The following NF1 variants were observed in gnomAD, a reference collection of about 807,000 sequenced individuals.
NF1 encodes neurofibromin 1, also known as neurofibromin.
Under a neutral mutation model 325.7 loss-of-function variants are expected in NF1, and 122 were observed. The observed-to-expected ratio is 0.37, with a 90% confidence interval of 0.32 to 0.44. The LOEUF (loss-of-function observed/expected upper bound fraction) is 0.44. Ranked by LOEUF, NF1 falls within the 20% of genes least tolerant of loss-of-function variation. NF1 has a pLI of 1.00. For synonymous variants in NF1, 1,091 were observed against 1,186.0 expected (o/e 0.92, Z 1.65); for missense variants, 2,140 against 3,415.4 (o/e 0.63, Z 9.31).
chr17:31,098,902 A>C (rs2143187520), intron 1 of NF1, among the ~76,000 whole-genome samples: 1 of 146,392 alleles, frequency 6.8e-6, no homozygotes, highest in East Asian at 2.1e-4. Flanking sequence ...ACTGCACTCC[A>C]GCCTGGGTGA....
intron 36 of NF1, among the ~76,000 whole-genome samples, chr17:31,312,572 C>T (rs10512434): frequency 0.5 from 75,821 of 150,228 alleles, 20,816 homozygotes; most frequent in Non-Finnish European, 0.62. Flanking sequence ...CCATAAGGAT[C>T]GATGGGAAAT....
chr17:31,365,297 A>AAAAAAAAAG (rs397975647), intron 57 of NF1, among the ~76,000 whole-genome samples: 6 of 148,644 alleles, frequency 4.0e-5, no homozygotes, highest in African/African-American at 1.5e-4. Flanking sequence ...AAAAAAAAAA[A>AAAAAAAAAG]GAAGGAAAGA....
chr17:31,281,115 A>G (rs904977984), intron 36 of NF1, among the ~76,000 whole-genome samples: 1 of 152,212 alleles, frequency 6.6e-6, no homozygotes, highest in African/African-American at 2.4e-5. Context: ...AATCTGTTAT[A>G]CAGCTCACCT....
In NF1 at chr17:31,214,680, A is replaced by G. The variant is rs923751973; in HGVS notation, c.1527+95A>G. On this transcript the variant is annotated intron_variant, in intron 13 of 57. Coordinates refer to ENST00000358273, the MANE Select transcript of NF1 (RefSeq NM_001042492.3). ...GACCTTGAGGATAATTTTTAGCTCAAGAGCACTTACTGATCCTTTCTGATC... is the reference window on the plus strand; with the variant it reads ...GACCTTGAGGATAATTTTTAGCTCAGGAGCACTTACTGATCCTTTCTGATC... 8.1e-6 allele frequency: 10 copies of G among 1,233,812 alleles called. No individual in the cohort carries two copies. In the African/African-American group the frequency reaches 1.3e-4, roughly 17 times the overall value. The allele number at this position is 1,233,812 out of a possible 1,614,324, so 76.4% of individuals were successfully genotyped here. A position where few individuals can be genotyped will look rare whatever the true frequency, so the allele number is the denominator to read the frequency against.
chr17:31,370,405 G>A (rs550506021), intron 57 of NF1, among the ~76,000 whole-genome samples: 1 of 152,136 alleles, frequency 6.6e-6, no homozygotes, highest in South Asian at 2.1e-4. Flanking sequence ...TAACATTTTG[G>A]TGCATTTCCT....
chr17:31,336,965 C>T lies in NF1; in HGVS notation c.6427+51C>T, dbSNP rs755701594. 6 of 1,562,392 alleles carry T rather than the reference C, an allele frequency of 3.8e-6. No individual in the cohort carries two copies. Among genetic ancestry groups the T allele is most frequent in the Non-Finnish European group, 5.2e-6 (6 of 1,145,190 alleles). ...TTTACCAGTTCCTTTCTCCATTTTA[C>T]TTCACCTGATCAATATAGATTATCT... is the stretch of plus-strand genomic sequence containing the variant. On this transcript the variant is annotated intron_variant, in intron 42 of 57. Coordinates refer to ENST00000358273, the MANE Select transcript of NF1 (RefSeq NM_001042492.3). This position sits in a 1 kb window ranked among gnomAD's most constrained non-coding sequence, Gnocchi z 5.5.
intron 57 of NF1, 32 bp downstream of exon 57, chr17:31,360,735 G>A (rs2151588417): frequency 1.9e-6 from 3 of 1,559,956 alleles, no homozygotes; most frequent in Non-Finnish European, 2.7e-6. Context: ...ATGACTTTGA[G>A]CAACAATATA....
intron 4 of NF1, among the ~76,000 whole-genome samples, chr17:31,168,979 G>C (rs1178386323): frequency 6.6e-6 from 1 of 152,140 alleles, no homozygotes; most frequent in Non-Finnish European, 1.5e-5. Context: ...AGGGAATGCA[G>C]GATACAGACT....
intron 39 of NF1, among the ~76,000 whole-genome samples, chr17:31,333,354 G>A (rs951612794): frequency 7.2e-5 from 11 of 151,998 alleles, no homozygotes; most frequent in African/African-American, 2.2e-4. Flanking sequence ...TTAAATTGAG[G>A]TATATCTTGT....
chr17:31,256,800 G>A lies in NF1; in HGVS notation c.4174-1544G>A, dbSNP rs9906434. Among the ~76,000 whole-genome samples the A allele has an allele frequency of 7.2e-3, 1,094 of 152,194 alleles. 15 individuals carry two copies. Among genetic ancestry groups the A allele is most frequent in the African/African-American group, 0.025 (1,052 of 41,528 alleles). Reference sequence around the variant, plus strand: ...CCTTCACCAGTTTCCCCTTATTTAAGGGTTAAGGTTGTTCTTCATGCAATA... The same window carrying A: ...CCTTCACCAGTTTCCCCTTATTTAAAGGTTAAGGTTGTTCTTCATGCAATA... On this transcript the variant is annotated intron_variant, in intron 31 of 57. Coordinates refer to ENST00000358273, the MANE Select transcript of NF1 (RefSeq NM_001042492.3).
At position 31,223,563 on chromosome 17, in the gene NF1, A is replaced by G; in HGVS notation, c.1841A>G (p.Asn614Ser). The G allele has an allele frequency of 6.2e-7, 1 of 1,611,488 alleles. No homozygotes were observed. Reference protein sequence around the residue: ...LICRNKFLLKNKQADRSSCHF... With the variant: ...LICRNKFLLKSKQADRSSCHF... The stretch of plus-strand genomic sequence containing the variant: ...TGCAGGAATAAATTTCTTCTTAAAA[A>G]TAAGGTAAGCAAAATGACATATTTA... Residue 614 changes from asparagine to serine, a missense_variant, in exon 16 of 58, where the codon AAT (asparagine) becomes AGT (serine). Physicochemically the swap from Asn to Ser is conservative, Grantham distance 46 (BLOSUM62 1). Transcript: ENST00000358273.
chr17:31,357,739 CCTT>C (rs1472952941), intron 54 of NF1: 4 of 286,694 alleles, frequency 1.4e-5, no homozygotes, highest in African/African-American at 6.7e-5. Context: ...ACAAAATTGA[CCTT>C]CTGTTTAGGA....
At chr17:31,133,737 A>G (rs1597599627) in intron 1 of NF1, 2 of 151,756 alleles carry the variant, frequency 1.3e-5, no homozygotes, top group East Asian at 3.9e-4. Flanking sequence ...GCTCACCGCA[A>G]CCTCCGCCTC....
intron 20 of NF1, among the ~76,000 whole-genome samples, chr17:31,228,441 T>G (rs2067053416): frequency 6.6e-6 from 1 of 152,196 alleles, no homozygotes; most frequent in Admixed American, 6.5e-5. Context: ...GATAACTGTT[T>G]TATATAATTA....
intron 5 of NF1, among the ~76,000 whole-genome samples, chr17:31,174,048 C>A (rs766457196): frequency 6.6e-6 from 1 of 152,166 alleles, no homozygotes; most frequent in East Asian, 1.9e-4. Context: ...TAGACACTTA[C>A]ATAGATGTAA....
At chr17:31,364,060 T>C (rs1294513755) in intron 57 of NF1, among the ~76,000 whole-genome samples, 1 of 152,192 alleles carries the variant, frequency 6.6e-6, no homozygotes, top group Non-Finnish European at 1.5e-5. Flanking sequence ...CTTTATGGCG[T>C]TGAGTTTGCT....
Position 31,296,553 on chromosome 17 carries a change from C to T in NF1, c.4836-29267C>T. The T allele has an allele frequency of 3.8e-5, 21 of 550,782 alleles. No homozygotes were observed. The South Asian group carries it at 4.3e-4, about 11-fold the overall frequency. The allele number at this position is 550,782 out of a possible 1,614,324, so 34.1% of individuals were successfully genotyped here. A position where few individuals can be genotyped will look rare whatever the true frequency, so the allele number is the denominator to read the frequency against. On this transcript the variant is annotated intron_variant, in intron 36 of 57. Transcript: ENST00000358273. The stretch of plus-strand genomic sequence containing the variant: ...TATGTGGTAGAGAGAGACTCTCTCC[C>T]TACTCTCTCCTGCATTTTCTCCTTT...
intron 48 of NF1, among the ~76,000 whole-genome samples, chr17:31,347,420 C>CTA (rs1230311555): frequency 6.6e-6 from 1 of 152,028 alleles, no homozygotes; most frequent in Non-Finnish European, 1.5e-5. Context: ...AAGATTCATC[C>CTA]TATGGGGTGG....
chr17:31,317,398 CACACA>C (rs2069050414), intron 36 of NF1, among the ~76,000 whole-genome samples: 9 of 151,790 alleles, frequency 5.9e-5, no homozygotes, highest in African/African-American at 2.2e-4. Context: ...CACACACACA[CACACA>C]CCCCTAATAA....
Sources: gnomAD v4.1 joint callset for allele counts (sites outside exome capture counted in the v4.1 genomes callset) on GRCh38, gnomAD v4.1.1 for gene constraint, Gnocchi (gnomAD v3.1) non-coding constraint, MANE v1.5 for transcripts, NCBI Gene and HGNC (gene_info 2026-07-23, HGNC 2026-07-21) for gene names.